Variants in THY1 observed in about 807,000 individuals in gnomAD.
The protein encoded by THY1 is thy-1 membrane glycoprotein.
In THY1, 10 loss-of-function variants were observed where a neutral mutation model predicts 14.9. The observed-to-expected ratio is 0.67, with a 90% CI of 0.41 to 1.14. The LOEUF (loss-of-function observed/expected upper bound fraction) is 1.14, where lower values mean the gene tolerates loss of function less well. Among genes scored for constraint, THY1 ranks in the 50% most tolerant of loss-of-function variants. The pLI, the probability that THY1 is intolerant of heterozygous loss-of-function variation, is 0.00. For synonymous variants in THY1, 80 were observed against 90.0 expected (o/e 0.89, Z 0.63); for missense variants, 159 against 202.1 (o/e 0.79, Z 1.29).
At chr11:119,419,648 C>A in intron 3 of THY1, 128 bp from the exon 4 acceptor site, 1 of 710,520 alleles carries the variant, frequency 1.4e-6, no homozygotes, top group South Asian at 1.7e-5. Context: ...TAGCTGGGAC[C>A]AGGAACAGCC....
At position 119,419,458 on chromosome 11, in the gene THY1, G is replaced by A. The variant is rs1327994057; in HGVS notation, c.436C>T (p.Leu146Phe). ...LAQNTSWLLL[L>F]LLSLSLLQAT... The stretch of plus-strand genomic sequence containing the variant: ...TGGAGGAGGGAGAGGGAGAGCAGGA[G>A]CAGCAGCAGCCACGAGGTGTTCTGA... The change falls in exon 4 of 4, where the codon CTC becomes TTC. Residue 146 changes from leucine (L) to phenylalanine (F), a missense_variant. Transcript: ENST00000284240. The A allele has an allele frequency of 1.2e-6, 2 of 1,613,938 alleles. No individual in the cohort carries two copies. Among genetic ancestry groups the A allele is most frequent in the Non-Finnish European group, 1.7e-6 (2 of 1,179,994 alleles).
chr11:119,416,457 C>A lies in THY1; in HGVS notation c.*2951G>T, dbSNP rs1364956857. On this transcript the variant is annotated 3_prime_UTR_variant, in exon 4 of 4. Transcript: ENST00000284240. ...GCGGGCTCCCAGTCCTCAGCATGGT[C>A]ATTCCGGGTAGGTTTATTTTATTTT... Among the ~76,000 whole-genome samples the A allele has an allele frequency of 6.6e-6, 1 of 152,182 alleles. No homozygotes were observed. The highest frequency in any genetic ancestry group is 1.5e-5 in the Non-Finnish European group (1 of 68,026).
chr11:119,415,796 G>A lies in THY1; in HGVS notation c.*3612C>T, dbSNP rs1861762806. 6.6e-6 allele frequency among the ~76,000 whole-genome samples: 1 copy of A among 152,190 alleles called. No individual in the cohort carries two copies. Among genetic ancestry groups the A allele is most frequent in the South Asian group, 2.1e-4 (1 of 4,826 alleles). Reference sequence around the variant, plus strand: ...ATTCCAGGCCTGAGAGTGTCCTGAGGCTGAGAGCCCCTGTTGAGCAGAAGA... The same window carrying A: ...ATTCCAGGCCTGAGAGTGTCCTGAGACTGAGAGCCCCTGTTGAGCAGAAGA... On this transcript the variant is annotated 3_prime_UTR_variant, in exon 4 of 4. Coordinates refer to ENST00000284240, the MANE Select transcript of THY1 (RefSeq NM_006288.5).
At position 119,420,190 on chromosome 11, in the gene THY1, G is replaced by C; in HGVS notation, c.234C>G (p.Thr78=). 6.2e-7 allele frequency: 1 copy of C among 1,614,246 alleles called. No homozygotes were observed. Among genetic ancestry groups the C allele is most frequent in the East Asian group, 2.2e-5 (1 of 44,894 alleles). The change falls in exon 3 of 4, where the codon ACC becomes ACG. Residue 78 remains threonine (T), a synonymous_variant. Coordinates refer to ENST00000284240, the MANE Select transcript of THY1 (RefSeq NM_006288.5). The part of the protein sequence containing the change: ...GVPEHTYRSR[T]NFTSKYNMKV... ...TCATGTTGTATTTGCTGGTGAAGTT[G>C]GTTCGGGAGCGGTATGTGTGCTCAG...
rs1861809725 is a variant in THY1, at chr11:119,417,942, G to A, written c.*1466C>T. ...AGTAAGCATGTTGTTCCAGCCAGGTGAGTCAGCAGACATGGGATGTTCGTT... is the reference window on the plus strand; with the variant it reads ...AGTAAGCATGTTGTTCCAGCCAGGTAAGTCAGCAGACATGGGATGTTCGTT... On this transcript the variant is annotated 3_prime_UTR_variant, in exon 4 of 4. Transcript: ENST00000284240. 1 of 152,356 alleles carries A rather than the reference G, an allele frequency of 6.6e-6. No homozygotes were observed. Among genetic ancestry groups the A allele is most frequent in the Admixed American group, 6.5e-5 (1 of 15,298 alleles). The allele number at this position is 152,356 out of a possible 1,614,324, so 9.4% of individuals were successfully genotyped here. A position where few individuals can be genotyped will look rare whatever the true frequency, so the allele number is the denominator to read the frequency against.
Position 119,419,353 on chromosome 11 carries a change from T to C in THY1, c.*55A>G. 1 of 1,481,130 alleles carries C rather than the reference T, an allele frequency of 6.8e-7. No individual in the cohort carries two copies. Among genetic ancestry groups the C allele is most frequent in the Non-Finnish European group, 9.4e-7 (1 of 1,067,256 alleles). The allele number at this position is 1,481,130 out of a possible 1,614,324, so 91.7% of individuals were successfully genotyped here. ...GAGGGGGTCAGCTGACTCAGAGAAG[T>C]AGGATCTCTGCACTGGAACTTGAGG... On this transcript the variant is annotated 3_prime_UTR_variant, in exon 4 of 4. Coordinates refer to ENST00000284240, the MANE Select transcript of THY1 (RefSeq NM_006288.5).
chr11:119,421,938 T>C (rs891073527), intron 1 of THY1: 3 of 152,282 alleles, frequency 2.0e-5, no homozygotes, highest in African/African-American at 7.2e-5. Context: ...GTCTGCCTGG[T>C]CTTTTTTTGT....
chr11:119,421,233 A>G (rs1861893692), intron 1 of THY1: 2 of 281,756 alleles, frequency 7.1e-6, no homozygotes, highest in Admixed American at 4.9e-5. Context: ...ACATTAACAT[A>G]GTGTATGGTA....
rs964139359 is a variant in THY1 at position 119,416,585 on chromosome 11, C to T, written c.*2823G>A. ...CGCCTCCCGGGTTCAAGTGATTCTC[C>T]TGCCTCAGCCTCCTGAGTAGCTGGG... On this transcript the variant is annotated 3_prime_UTR_variant, in exon 4 of 4. Transcript: ENST00000284240. Among the ~76,000 whole-genome samples the T allele has an allele frequency of 2.0e-5, 3 of 152,206 alleles. No individual in the cohort carries two copies. Among genetic ancestry groups the T allele is most frequent in the Admixed American group, 2.0e-4 (3 of 15,288 alleles).
chr11:119,415,668 C>A lies in THY1; in HGVS notation c.*3740G>T, dbSNP rs1351277168. On this transcript the variant is annotated 3_prime_UTR_variant, in exon 4 of 4. Coordinates refer to ENST00000284240, the MANE Select transcript of THY1 (RefSeq NM_006288.5). ...CCTACCCACCCTCCATATGATGTGT[C>A]TACATCTACAGGTCCCACTGACCCC... is the stretch of plus-strand genomic sequence containing the variant. Among the ~76,000 whole-genome samples, 2 of 152,194 alleles carry A rather than the reference C, an allele frequency of 1.3e-5. No individual in the cohort carries two copies. Among genetic ancestry groups the A allele is most frequent in the African/African-American group, 4.8e-5 (2 of 41,446 alleles).
rs1861936139 is a variant in THY1 at position 119,422,827 on chromosome 11, T to C, written c.-25+286A>G. Among the ~76,000 whole-genome samples the C allele has an allele frequency of 6.6e-6, 1 of 152,184 alleles. No homozygotes were observed. Among genetic ancestry groups the C allele is most frequent in the Non-Finnish European group, 1.5e-5 (1 of 68,030 alleles). On this transcript the variant is annotated intron_variant, in intron 1 of 3. Coordinates refer to ENST00000284240, the MANE Select transcript of THY1 (RefSeq NM_006288.5). The surrounding 1 kb of genome is among the most constrained non-coding windows in gnomAD (Gnocchi z 7.0). ...ATGTAGACCCACAGGCTGTCCTTGGTGCCCTTCCTCCCTGTTCTCCAGCGC... is the reference window on the plus strand; with the variant it reads ...ATGTAGACCCACAGGCTGTCCTTGGCGCCCTTCCTCCCTGTTCTCCAGCGC...
chr11:119,421,343 T>C (rs1861895842), intron 1 of THY1: 1 of 156,782 alleles, frequency 6.4e-6, no homozygotes, highest in Admixed American at 6.4e-5. Context: ...CCATTTAAAT[T>C]CAGTACTTAA....
At chr11:119,423,207 A>C (rs1449056862), upstream of THY1, 4 of 444,798 alleles carry the variant, frequency 9.0e-6, no homozygotes, top group Admixed American at 9.6e-5. Flanking sequence ...TTCACCGGGG[A>C]TGGAGGAGAG....
rs1861829355 is a variant in THY1 at position 119,418,683 on chromosome 11, C to T, written c.*725G>A. The T allele has an allele frequency of 6.5e-6, 1 of 152,940 alleles. No individual in the cohort carries two copies. Among genetic ancestry groups the T allele is most frequent in the South Asian group, 2.1e-4 (1 of 4,846 alleles). 9.5% of individuals were successfully genotyped at this position (152,940 alleles called of 1,614,324 possible). On this transcript the variant is annotated 3_prime_UTR_variant, in exon 4 of 4. Coordinates refer to ENST00000284240, the MANE Select transcript of THY1 (RefSeq NM_006288.5). The stretch of plus-strand genomic sequence containing the variant: ...CTTAGGCAGGGAGGGATGATGAACC[C>T]TCATCCTTTACCTCCTTCTCCAACC...
rs1861819483 is a variant in THY1, at chr11:119,418,317, A to T, written c.*1091T>A. On this transcript the variant is annotated 3_prime_UTR_variant, in exon 4 of 4. Transcript: ENST00000284240. ...GGGGGTTGGGAAAAGCCATTTCCTG[A>T]GAAGTGTCCGGCTCCTGGGTCTCAC... The T allele has an allele frequency of 6.6e-6, 1 of 152,534 alleles. No individual in the cohort carries two copies. Among genetic ancestry groups the T allele is most frequent in the African/African-American group, 2.4e-5 (1 of 41,478 alleles). The allele number at this position is 152,534 out of a possible 1,614,324, so 9.4% of individuals were successfully genotyped here.
intron 3 of THY1, 147 bp downstream of exon 3, chr11:119,419,904 A>G: frequency 2.2e-6 from 2 of 892,188 alleles, no homozygotes; most frequent in Non-Finnish European, 3.3e-6. Flanking sequence ...ACCGAAGGCA[A>G]TGGTTCCCCA....
chr11:119,422,839 C>T lies in THY1; in HGVS notation c.-25+274G>A, dbSNP rs1861936456. On this transcript the variant is annotated intron_variant, in intron 1 of 3. Transcript: ENST00000284240. The surrounding 1 kb of genome is among the most constrained non-coding windows in gnomAD (Gnocchi z 7.0). The stretch of plus-strand genomic sequence containing the variant: ...AGGCTGTCCTTGGTGCCCTTCCTCC[C>T]TGTTCTCCAGCGCCCCAGCCCCAGA... 6.6e-6 allele frequency among the ~76,000 whole-genome samples: 1 copy of T among 152,214 alleles called. No individual in the cohort carries two copies. The highest frequency in any genetic ancestry group is 2.4e-5 in the African/African-American group (1 of 41,456).
At chr11:119,423,030 C>T in intron 1 of THY1, 83 bp downstream of exon 1, 1 of 456,008 alleles carries the variant, frequency 2.2e-6, no homozygotes, top group Admixed American at 2.3e-5. Context: ...CGGACCGTGG[C>T]CCGAAGCCTA....
Position 119,422,925 on chromosome 11 carries a change from A to C in THY1, c.-25+188T>G, listed in dbSNP as rs1183855036. 6.6e-6 allele frequency among the ~76,000 whole-genome samples: 1 copy of C among 152,060 alleles called. No individual in the cohort carries two copies. The highest frequency in any genetic ancestry group is 1.5e-5 in the Non-Finnish European group (1 of 67,982). On this transcript the variant is annotated intron_variant, in intron 1 of 3. Transcript: ENST00000284240. This position sits in a 1 kb window ranked among gnomAD's most constrained non-coding sequence, Gnocchi z 7.0. Reference sequence around the variant, plus strand: ...CTTCCCCGAAAGACATCAGGGTGCCACGCGGCCCCTGCCCTGCAGAAGCAT... The same window carrying C: ...CTTCCCCGAAAGACATCAGGGTGCCCCGCGGCCCCTGCCCTGCAGAAGCAT...
Sources: gnomAD v4.1 joint callset for allele counts (sites outside exome capture counted in the v4.1 genomes callset) on GRCh38, gnomAD v4.1.1 for gene constraint, Gnocchi (gnomAD v3.1) non-coding constraint, MANE v1.5 for transcripts, NCBI Gene and HGNC (gene_info 2026-07-23, HGNC 2026-07-21) for gene names.